Variants in PITPNC1 observed in about 807,000 individuals in gnomAD.
PITPNC1 encodes cytoplasmic phosphatidylinositol transfer protein 1.
In PITPNC1, 18 loss-of-function variants were observed where a neutral mutation model predicts 44.7. The observed-to-expected ratio is 0.40, with a 90% CI of 0.28 to 0.60. The LOEUF is 0.60. Ranked by LOEUF, PITPNC1 falls within the 20% of genes least tolerant of loss-of-function variation. The pLI is 0.39. For synonymous variants in PITPNC1, 141 were observed against 149.6 expected, an observed-to-expected ratio of 0.94 and a Z score of 0.42; for missense variants, 290 against 418.4, an observed-to-expected ratio of 0.69 and a Z score of 2.68.
intron 1 of PITPNC1, among the ~76,000 whole-genome samples, chr17:67,425,135 T>C (rs2038728170): frequency 6.6e-6 from 1 of 151,276 alleles, no homozygotes; most frequent in South Asian, 2.1e-4. Context: ...CTTCGCTGAC[T>C]CTTTTCGGAC....
chr17:67,489,799 A>T (rs960188125), intron 1 of PITPNC1, among the ~76,000 whole-genome samples: 1 of 152,060 alleles, frequency 6.6e-6, no homozygotes, highest in Admixed American at 6.6e-5. Flanking sequence ...GCTAGAGTGC[A>T]GTGATAGGAT....
chr17:67,565,870 T>C (rs1453167855), intron 4 of PITPNC1, among the ~76,000 whole-genome samples: 1 of 152,204 alleles, frequency 6.6e-6, no homozygotes, highest in Non-Finnish European at 1.5e-5. Context: ...TTCCATGTTT[T>C]TTCGGTGTGT....
intron 1 of PITPNC1, among the ~76,000 whole-genome samples, chr17:67,407,789 T>C (rs1351000142): frequency 6.6e-6 from 1 of 151,248 alleles, no homozygotes; most frequent in Non-Finnish European, 1.5e-5. Context: ...AGCGAAACTC[T>C]GTCTCGGAAA....
chr17:67,419,508 G>T (rs1232306061), intron 1 of PITPNC1, among the ~76,000 whole-genome samples: 1 of 152,040 alleles, frequency 6.6e-6, no homozygotes, highest in Non-Finnish European at 1.5e-5. Flanking sequence ...TACCTACTTG[G>T]GACACTTTCT....
At chr17:67,421,986 G>A (rs780779261) in intron 1 of PITPNC1, among the ~76,000 whole-genome samples, 20 of 152,120 alleles carry the variant, frequency 1.3e-4, no homozygotes, top group Non-Finnish European at 2.5e-4. Flanking sequence ...AAATGACCTC[G>A]AATTGAAGTT....
intron 1 of PITPNC1, among the ~76,000 whole-genome samples, chr17:67,523,591 G>A (rs1469480230): frequency 1.3e-5 from 2 of 150,988 alleles, no homozygotes; most frequent in African/African-American, 2.4e-5. Context: ...GAAGTAAATC[G>A]TCTAAGGTTA....
intron 1 of PITPNC1, among the ~76,000 whole-genome samples, chr17:67,494,405 G>A (rs1003873968): frequency 2.6e-5 from 4 of 151,724 alleles, no homozygotes; most frequent in Non-Finnish European, 5.9e-5. Context: ...TCACCATCTT[G>A]GCCAGGCTGG....
chr17:67,442,021 C>T (rs1567991269), intron 1 of PITPNC1, among the ~76,000 whole-genome samples: 1 of 151,774 alleles, frequency 6.6e-6, no homozygotes, highest in Non-Finnish European at 1.5e-5. Context: ...GCCTCAGCCT[C>T]ATGCACCTGC....
chr17:67,473,380 G>A, intron 1 of PITPNC1, among the ~76,000 whole-genome samples: 1 of 151,658 alleles, frequency 6.6e-6, no homozygotes, highest in East Asian at 2.0e-4. Flanking sequence ...CCAGGCTGGA[G>A]TTCAGTGGCA....
At chr17:67,474,711 TG>T (rs763996291) in intron 1 of PITPNC1, among the ~76,000 whole-genome samples, 4 of 152,170 alleles carry the variant, frequency 2.6e-5, no homozygotes, top group Non-Finnish European at 4.4e-5. Context: ...TGGAGTGCAG[TG>T]GCATGATCCA....
At chr17:67,402,080 C>G (rs959885635) in intron 1 of PITPNC1, among the ~76,000 whole-genome samples, 3 of 152,170 alleles carry the variant, frequency 2.0e-5, no homozygotes, top group Non-Finnish European at 4.4e-5. Context: ...TTTAGACTTG[C>G]AAGCCGTAAG....
intron 5 of PITPNC1, among the ~76,000 whole-genome samples, chr17:67,603,079 T>G (rs2041562911): frequency 6.6e-6 from 1 of 152,116 alleles, no homozygotes; most frequent in African/African-American, 2.4e-5. Flanking sequence ...TGGGTTCATT[T>G]GATCAATCTG....
At chr17:67,467,551 A>T (rs2039446403) in intron 1 of PITPNC1, among the ~76,000 whole-genome samples, 1 of 152,064 alleles carries the variant, frequency 6.6e-6, no homozygotes, top group Admixed American at 6.6e-5. Flanking sequence ...CAAAATTCTG[A>T]ATTTTGGAAC....
chr17:67,490,330 TTTG>T (rs1230847728), intron 1 of PITPNC1, among the ~76,000 whole-genome samples: 4 of 152,142 alleles, frequency 2.6e-5, no homozygotes, highest in South Asian at 2.1e-4. Context: ...AGGATCTCAG[TTTG>T]TTGTTGTTGG....
intron 1 of PITPNC1, among the ~76,000 whole-genome samples, chr17:67,451,520 T>C (rs1438177049): frequency 6.6e-6 from 1 of 152,196 alleles, no homozygotes; most frequent in Non-Finnish European, 1.5e-5. Context: ...CAGTTCTTGC[T>C]CTTACCCTGA....
At chr17:67,556,338 G>C (rs1306976267) in intron 4 of PITPNC1, among the ~76,000 whole-genome samples, 1 of 152,190 alleles carries the variant, frequency 6.6e-6, no homozygotes, top group Non-Finnish European at 1.5e-5. Flanking sequence ...ACCTTAGTAA[G>C]TGAAAATACA....
chr17:67,480,109 G>T (rs1156922866), intron 1 of PITPNC1, among the ~76,000 whole-genome samples: 1 of 152,214 alleles, frequency 6.6e-6, no homozygotes, highest in African/African-American at 2.4e-5. Flanking sequence ...GGATGGCATT[G>T]TCTAGGAGCG....
At chr17:67,477,433 T>C (rs969662537) in intron 1 of PITPNC1, among the ~76,000 whole-genome samples, 8 of 152,040 alleles carry the variant, frequency 5.3e-5, no homozygotes, top group Non-Finnish European at 8.8e-5. Context: ...TTAGTAGAGA[T>C]GGGGTTTCAC....
intron 1 of PITPNC1, among the ~76,000 whole-genome samples, chr17:67,425,193 G>GCGCGCGCGCGCGCACACACACACACACA (rs1160522771): frequency 3.8e-5 from 2 of 52,118 alleles, no homozygotes; most frequent in Admixed American, 2.0e-4. Context: ...TTGTGCGCGC[G>GCGCGCGCGCGCGCACACACACACACACA]CACGCACACG....
Sources: allele counts gnomAD v4.1 joint callset (sites outside exome capture counted in the v4.1 genomes callset), GRCh38; gene constraint gnomAD v4.1.1; transcripts MANE v1.5; gene names NCBI Gene and HGNC (gene_info 2026-07-23, HGNC 2026-07-21).